The following CHMP3 variants were observed in gnomAD, a reference collection of about 807,000 sequenced individuals.
The protein encoded by CHMP3 is charged multivesicular body protein 3.
In CHMP3, 8 loss-of-function variants were observed where a neutral mutation model predicts 27.4. The ratio of observed to expected loss-of-function variants is 0.29; its 90% CI spans 0.17 to 0.53. The LOEUF is 0.53. Ranked by LOEUF, CHMP3 falls within the 20% of genes least tolerant of loss-of-function variation. The pLI, the probability that CHMP3 is intolerant of heterozygous loss-of-function variation, is 0.96. For missense variants in CHMP3, 208 were observed against 271.5 expected, an observed-to-expected ratio of 0.77 and a Z score of 1.64; for synonymous variants, 86 against 85.5, an observed-to-expected ratio of 1.01 and a Z score of -0.03.
At chr2:86,560,052 TC>T (rs1356254771) in intron 1 of CHMP3, among the ~76,000 whole-genome samples, 1 of 152,090 alleles carries the variant, frequency 6.6e-6, no homozygotes, top group Non-Finnish European at 1.5e-5. Context: ...GATCACGAGG[TC>T]AGGAGATCAA....
intron 1 of CHMP3, chr2:86,561,486 G>T (rs1257232255): frequency 6.6e-6 from 1 of 152,146 alleles, no homozygotes; most frequent in African/African-American, 2.4e-5. Context: ...CCCTATCCAA[G>T]ACCTACTGAA....
intron 3 of CHMP3, among the ~76,000 whole-genome samples, chr2:86,517,674 A>T (rs1446498624): frequency 6.6e-6 from 1 of 152,094 alleles, no homozygotes; most frequent in Non-Finnish European, 1.5e-5. Context: ...AAAAACAGAG[A>T]ATTCTCTCTA....
intron 1 of CHMP3, among the ~76,000 whole-genome samples, chr2:86,555,511 AT>A (rs200344124): frequency 0.024 from 3,573 of 147,298 alleles, 148 homozygotes; most frequent in African/African-American, 0.08. Flanking sequence ...AAAAAAAAAA[AT>A]AAATAAATAA....
chr2:86,556,281 G>A (rs542044629), intron 1 of CHMP3, among the ~76,000 whole-genome samples: 1 of 152,240 alleles, frequency 6.6e-6, no homozygotes, highest in Admixed American at 6.5e-5. Context: ...TATCTTTCAA[G>A]ACAATCTAAA....
chr2:86,526,661 G>GCTCT (rs140412089), intron 3 of CHMP3, among the ~76,000 whole-genome samples: 34 of 150,986 alleles, frequency 2.3e-4, no homozygotes, highest in African/African-American at 7.0e-4. Context: ...ACTAGAGCAT[G>GCTCT]CTCTCTCTCT....
chr2:86,548,014 A>G (rs1248182989), intron 1 of CHMP3, among the ~76,000 whole-genome samples: 1 of 152,210 alleles, frequency 6.6e-6, no homozygotes, highest in Admixed American at 6.5e-5. Context: ...CAATGCTGAG[A>G]GACAGCTTAA....
chr2:86,535,292 A>G (rs1359462521), intron 2 of CHMP3, among the ~76,000 whole-genome samples: 1 of 151,690 alleles, frequency 6.6e-6, no homozygotes, highest in East Asian at 1.9e-4. Flanking sequence ...TGATAAGGAC[A>G]AATTTTCTTC....
chr2:86,559,585 A>C (rs977578955), intron 1 of CHMP3, among the ~76,000 whole-genome samples: 6 of 152,234 alleles, frequency 3.9e-5, no homozygotes, highest in Non-Finnish European at 8.8e-5. Context: ...TTCTTTGTTC[A>C]CAAGTCACAG....
At position 86,510,381 on chromosome 2, in the gene CHMP3, C is replaced by G. The variant is rs540945205; in HGVS notation, c.385G>C (p.Glu129Gln). 2 of 1,598,940 alleles carry G rather than the reference C, an allele frequency of 1.3e-6. No homozygotes were observed. The highest frequency in any genetic ancestry group is 3.4e-5 in the Admixed American group (2 of 59,546). Residue 129 changes from glutamate to glutamine, a missense_variant, in exon 4 of 6, where the codon GAG becomes CAG. By Grantham distance (29) the Glu-to-Gln change is conservative. Transcript: ENST00000263856. ...KIPEIQATMR[E>Q]LSKEMMKAGI... ...ACCTTCATCATTTCTTTGGACAACTCCCTCATGGTGGCCTGAATCTCTGGA... is the reference window on the plus strand; with the variant it reads ...ACCTTCATCATTTCTTTGGACAACTGCCTCATGGTGGCCTGAATCTCTGGA...
intron 4 of CHMP3, 57 bp from the exon 5 acceptor site, chr2:86,507,650 C>A: frequency 6.8e-7 from 1 of 1,465,242 alleles, no homozygotes; most frequent in African/African-American, 1.4e-5. Context: ...CCATCAGACA[C>A]CCTACACATC....
intron 1 of CHMP3, among the ~76,000 whole-genome samples, chr2:86,554,206 T>C (rs938956666): frequency 6.6e-6 from 1 of 152,220 alleles, no homozygotes; most frequent in Admixed American, 6.5e-5. Flanking sequence ...CTGGTCTCCA[T>C]AACTGTAGAA....
chr2:86,534,192 ATTTCTTT>A (rs1676037166), intron 2 of CHMP3, among the ~76,000 whole-genome samples: 1 of 62,128 alleles, frequency 1.6e-5, no homozygotes, highest in Non-Finnish European at 3.4e-5. Flanking sequence ...CAATTGCTTT[ATTTCTTT>A]TTTTTTTTTT....
intron 3 of CHMP3, among the ~76,000 whole-genome samples, chr2:86,520,291 T>C (rs538481821): frequency 1.3e-5 from 2 of 152,284 alleles, no homozygotes; most frequent in African/African-American, 4.8e-5. Flanking sequence ...TGTACAGGCT[T>C]CTGCTTCTGG....
At chr2:86,545,748 C>T (rs1424992637) in intron 1 of CHMP3, among the ~76,000 whole-genome samples, 4 of 136,786 alleles carry the variant, frequency 2.9e-5, no homozygotes, top group Non-Finnish European at 4.7e-5. Context: ...TGGGCAGAGG[C>T]GCTCCTCACT....
At chr2:86,559,805 G>A (rs962543277) in intron 1 of CHMP3, among the ~76,000 whole-genome samples, 2 of 152,170 alleles carry the variant, frequency 1.3e-5, no homozygotes, top group Non-Finnish European at 2.9e-5. Context: ...CCCATTCATA[G>A]GCAGGAAGAG....
rs1282713848 is a variant in CHMP3, at chr2:86,510,400, C to G, written c.366G>C (p.Glu122Asp). The change falls in exon 4 of 6, where the codon GAG becomes GAC. Residue 122 changes from glutamate (E) to aspartate (D), a missense_variant. Physicochemically the swap from Glu to Asp is conservative, Grantham distance 45. Around this residue, in one of 3 missense-constraint regions of CHMP3, gnomAD observed 94 missense variants for 159.6 expected, o/e 0.59. Coordinates refer to ENST00000263856, the MANE Select transcript of CHMP3 (RefSeq NM_016079.4). ...ACAACTCCCTCATGGTGGCCTGAAT[C>G]TCTGGAATCTTCACAAGACTTTGCA... ...KAMQSLVKIPEIQATMRELSK... is the reference protein window; with the variant it reads ...KAMQSLVKIPDIQATMRELSK... 1.2e-6 allele frequency: 2 copies of G among 1,612,804 alleles called. No individual in the cohort carries two copies. Among genetic ancestry groups the G allele is most frequent in the East Asian group, 4.5e-5 (2 of 44,808 alleles).
chr2:86,528,649 G>A (rs889706381), intron 3 of CHMP3, among the ~76,000 whole-genome samples: 1 of 152,154 alleles, frequency 6.6e-6, no homozygotes, highest in Non-Finnish European at 1.5e-5. Flanking sequence ...ACCACAAACA[G>A]TACTGTACTG....
chr2:86,556,553 T>C (rs932218286), intron 1 of CHMP3, among the ~76,000 whole-genome samples: 3 of 152,164 alleles, frequency 2.0e-5, no homozygotes, highest in African/African-American at 7.2e-5. Flanking sequence ...AGCCAGATTC[T>C]CTTACCTGGG....
chr2:86,552,106 C>A (rs932745991), intron 1 of CHMP3, among the ~76,000 whole-genome samples: 1 of 152,178 alleles, frequency 6.6e-6, no homozygotes, highest in Non-Finnish European at 1.5e-5. Flanking sequence ...CAGATAGGAA[C>A]TGGCTTGAAA....
Sources: allele counts gnomAD v4.1 joint callset (sites outside exome capture counted in the v4.1 genomes callset), GRCh38; gene constraint gnomAD v4.1.1; regional missense constraint gnomAD v4.1.1; transcripts MANE v1.5; gene names NCBI Gene and HGNC (gene_info 2026-07-23, HGNC 2026-07-21).